CHD9: variants seen among roughly 807,000 people sequenced by gnomAD.
CHD9 encodes chromodomain helicase DNA binding protein 9, also known as ATP-dependent chromatin remodeler CHD9.
Under a neutral mutation model 316.1 loss-of-function variants are expected in CHD9, and 77 were observed. The observed-to-expected ratio is 0.24, with a 90% CI of 0.20 to 0.29. The LOEUF (loss-of-function observed/expected upper bound fraction) is 0.29. CHD9 is among the 10% of genes least tolerant of loss of function. CHD9 has a pLI of 1.00. For synonymous variants in CHD9, 1,129 were observed against 1,158.3 expected (o/e 0.97, Z 0.51); for missense variants, 2,763 against 3,438.1 (o/e 0.80, Z 4.91).
intron 10 of CHD9, among the ~76,000 whole-genome samples, chr16:53,234,050 T>C (rs1377831935): frequency 6.6e-6 from 1 of 152,186 alleles, no homozygotes; most frequent in Non-Finnish European, 1.5e-5. Context: ...TTACATATAA[T>C]GTTTCACTTC....
intron 34 of CHD9, among the ~76,000 whole-genome samples, chr16:53,309,961 T>G (rs8058093): frequency 0.28 from 42,354 of 152,132 alleles, 5,991 homozygotes; most frequent in Middle Eastern, 0.32. Context: ...GTCTTGAATT[T>G]CCCTTCCTTG....
At position 53,238,408 on chromosome 16, in the gene CHD9, A is replaced by G. The variant is rs370605180; in HGVS notation, c.2699A>G (p.Tyr900Cys). The G allele has an allele frequency of 2.3e-5, 37 of 1,612,902 alleles. No homozygotes were observed. Among genetic ancestry groups the G allele is most frequent in the East Asian group, 1.8e-4 (8 of 44,820 alleles). Reference protein sequence around the residue: ...GKTIQSITFLYEILLTGIRGP... With the variant: ...GKTIQSITFLCEILLTGIRGP... ...ACTATTCAATCAATTACATTCCTCTATGAAATCCTTCTGACTGGTATAAGA... is the reference window on the plus strand; with the variant it reads ...ACTATTCAATCAATTACATTCCTCTGTGAAATCCTTCTGACTGGTATAAGA... Residue 900 changes from tyrosine (Y) to cysteine (C), a missense_variant, in exon 12 of 39, where the codon TAT becomes TGT. Tyr to Cys is a radical substitution (Grantham distance 194). Around this residue, in one of 15 missense-constraint regions of CHD9, gnomAD observed 186 missense variants for 245.0 expected, o/e 0.76. Transcript: ENST00000447540.
chr16:53,314,099 A>C (rs2056695278), intron 34 of CHD9, among the ~76,000 whole-genome samples: 1 of 152,158 alleles, frequency 6.6e-6, no homozygotes, highest in South Asian at 2.1e-4. Context: ...TGTTTATCTT[A>C]GGGAAAAGGC....
At position 53,245,461 on chromosome 16, in the gene CHD9, T is replaced by A. The variant is rs764639175; in HGVS notation, c.3180T>A (p.Asp1060Glu). ...SESTFMQEFG[D>E]LKTEEQVQKL... ...CAACATTTATGCAAGAATTTGGGGA[T>A]CTGAAAACAGAGGAACAGGTATCCT... Residue 1060 changes from aspartate to glutamate, a missense_variant, in exon 14 of 39, where the codon GAT (aspartate) becomes GAA (glutamate). Asp to Glu is a conservative substitution (Grantham distance 45). Transcript: ENST00000447540. The surrounding 1 kb of genome is among the most constrained non-coding windows in gnomAD (Gnocchi z 4.1). 60 of 1,596,626 alleles carry A rather than the reference T, an allele frequency of 3.8e-5. 5 individuals are homozygous for A. In the South Asian group the frequency reaches 6.9e-4, roughly 18 times the overall value.
chr16:53,324,461 A>G lies in CHD9; in HGVS notation c.8260A>G (p.Thr2754Ala). The G allele has an allele frequency of 1.2e-6, 2 of 1,613,998 alleles. No homozygotes were observed. The highest frequency in any genetic ancestry group is 2.7e-5 in the African/African-American group (2 of 75,048). The change falls in exon 39 of 39, where the codon ACA becomes GCA. Residue 2754 changes from threonine (T) to alanine (A), a missense_variant. Thr to Ala is a moderately conservative substitution (Grantham distance 58). Coordinates refer to ENST00000447540, the MANE Select transcript of CHD9 (RefSeq NM_001308319.2). Reference sequence around the variant, plus strand: ...TGACTCTAAGGAGTCAGAAGGAAAAACAGAAAGGACAGAGAGCCAAAGTTC... The same window carrying G: ...TGACTCTAAGGAGTCAGAAGGAAAAGCAGAAAGGACAGAGAGCCAAAGTTC... ...GSDSKESEGK[T>A]ERTESQSSEN...
At chr16:53,192,090 A>G (rs2044527566) in intron 2 of CHD9, among the ~76,000 whole-genome samples, 1 of 151,948 alleles carries the variant, frequency 6.6e-6, no homozygotes, top group Non-Finnish European at 1.5e-5. Context: ...AAAACAGTCA[A>G]TGTCTCTAAC....
intron 17 of CHD9, among the ~76,000 whole-genome samples, chr16:53,252,112 GAAC>G (rs993372411): frequency 6.6e-6 from 1 of 152,078 alleles, no homozygotes; most frequent in Non-Finnish European, 1.5e-5. Context: ...TAAGCCAAAA[GAAC>G]AAATCTGAAG....
Position 53,156,384 on chromosome 16 carries a change from C to G in CHD9, c.295C>G (p.Gln99Glu). The change falls in exon 2 of 39, where the codon CAG becomes GAG. Residue 99 changes from glutamine (Q) to glutamate (E), a missense_variant. Gln to Glu is a conservative substitution (Grantham distance 29). Transcript: ENST00000447540. ...TGAACATGTGTTATCTCCACACTCT[C>G]AGTTTAATTGTTCTCCAATCCATCC... ...PAEHVLSPHS[Q>E]FNCSPIHPQN... The G allele has an allele frequency of 6.2e-7, 1 of 1,613,998 alleles. No homozygotes were observed. Among genetic ancestry groups the G allele is most frequent in the Non-Finnish European group, 8.5e-7 (1 of 1,179,880 alleles).
intron 1 of CHD9, among the ~76,000 whole-genome samples, chr16:53,150,068 C>A (rs1465108554): frequency 6.6e-6 from 1 of 151,876 alleles, no homozygotes; most frequent in Non-Finnish European, 1.5e-5. Context: ...TAATCTTTTC[C>A]TTTTAAGTAG....
At chr16:53,154,492 A>G (rs2041361632) in intron 1 of CHD9, among the ~76,000 whole-genome samples, 1 of 152,182 alleles carries the variant, frequency 6.6e-6, no homozygotes, top group Non-Finnish European at 1.5e-5. Context: ...TGCATCTTCT[A>G]GAGAAGCAGT....
chr16:53,217,356 C>T (rs1205979619), intron 3 of CHD9, among the ~76,000 whole-genome samples: 8 of 152,148 alleles, frequency 5.3e-5, no homozygotes, highest in South Asian at 4.1e-4. Flanking sequence ...CAGGTTCAAA[C>T]GATTCTCCTG....
intron 24 of CHD9, 97 bp downstream of exon 24, chr16:53,274,399 T>C (rs2052584104): frequency 3.2e-6 from 2 of 632,690 alleles, no homozygotes; most frequent in African/African-American, 3.7e-5. Flanking sequence ...CTCTGCCTCC[T>C]GAGAGGCTCG....
At chr16:53,064,862 G>A (rs1265022006) in intron 1 of CHD9, among the ~76,000 whole-genome samples, 1 of 152,134 alleles carries the variant, frequency 6.6e-6, no homozygotes, top group Admixed American at 6.5e-5. Flanking sequence ...ACAGCTACTT[G>A]GGAGGCTGAG....
intron 1 of CHD9, among the ~76,000 whole-genome samples, chr16:53,090,348 C>G (rs552886922): frequency 1.3e-5 from 2 of 152,274 alleles, no homozygotes; most frequent in East Asian, 3.9e-4. Context: ...CCCAAGTCAC[C>G]CATTCAGATC....
At chr16:53,320,512 A>C (rs1371603086) in intron 37 of CHD9, among the ~76,000 whole-genome samples, 1 of 152,064 alleles carries the variant, frequency 6.6e-6, no homozygotes, top group Non-Finnish European at 1.5e-5. Context: ...ACAGAGTGAG[A>C]CTCCATCTCA....
chr16:53,247,794 T>G (rs773284737), intron 16 of CHD9: 1 of 261,104 alleles, frequency 3.8e-6, no homozygotes, highest in Non-Finnish European at 7.3e-6. Flanking sequence ...TAATAAACCT[T>G]GTGGATGAAA....
chr16:53,277,744 C>G (rs926252197), intron 24 of CHD9, among the ~76,000 whole-genome samples: 1 of 152,134 alleles, frequency 6.6e-6, no homozygotes, highest in South Asian at 2.1e-4. Flanking sequence ...CAACATAGTA[C>G]TGGAAGTCCT....
intron 1 of CHD9, among the ~76,000 whole-genome samples, chr16:53,084,041 G>A (rs1038097552): frequency 3.3e-5 from 5 of 151,764 alleles, no homozygotes; most frequent in African/African-American, 4.8e-5. Flanking sequence ...TGAGCCACCC[G>A]CACCCAGCCC....
Position 53,285,680 on chromosome 16 carries a change from T to C in CHD9, c.5052T>C (p.Leu1684=), listed in dbSNP as rs2053811660. Residue 1684 remains leucine (L), a synonymous_variant, in exon 25 of 39, where the codon CTT becomes CTC. Coordinates refer to ENST00000447540, the MANE Select transcript of CHD9 (RefSeq NM_001308319.2). Reference sequence around the variant, plus strand: ...ATTTTGATGCTGATAAGTCACTCCTTATTGGAGTTTTTAAACATGGTAAGT... The same window carrying C: ...ATTTTGATGCTGATAAGTCACTCCTCATTGGAGTTTTTAAACATGGTAAGT... ...WWDFDADKSL[L]IGVFKHGYEK... 6.2e-7 allele frequency: 1 copy of C among 1,603,974 alleles called. No homozygotes were observed. The highest frequency in any genetic ancestry group is 1.1e-5 in the South Asian group (1 of 90,198).
Sources: gnomAD v4.1 joint callset for allele counts (sites outside exome capture counted in the v4.1 genomes callset) on GRCh38, gnomAD v4.1.1 for gene constraint, gnomAD v4.1.1 regional missense constraint, Gnocchi (gnomAD v3.1) non-coding constraint, MANE v1.5 for transcripts, NCBI Gene and HGNC (gene_info 2026-07-23, HGNC 2026-07-21) for gene names.